OSBPL9: variants seen among roughly 807,000 people sequenced by gnomAD.
OSBPL9 encodes oxysterol-binding protein-related protein 9.
A neutral mutation model predicts 106.6 loss-of-function variants in OSBPL9; 40 were observed. That is an observed-to-expected ratio of 0.38 (90% CI 0.29 to 0.49). The LOEUF (loss-of-function observed/expected upper bound fraction) is 0.49, where lower values mean the gene tolerates loss of function less well. Among genes scored for constraint, OSBPL9 ranks in the 20% least tolerant of loss-of-function variants. The probability of loss-of-function intolerance (pLI) is 0.97; values close to 1 mark genes in which losing one functional copy is unlikely to be tolerated. For synonymous variants in OSBPL9, 269 were observed against 295.4 expected (o/e 0.91, Z 0.92); for missense variants, 609 against 887.2 (o/e 0.69, Z 3.98).
chr1:51,713,999 C>T lies in OSBPL9; in HGVS notation c.242-4C>T, dbSNP rs1339347858. The T allele has an allele frequency of 1.7e-5, 28 of 1,600,278 alleles. No individual in the cohort carries two copies. The highest frequency in any genetic ancestry group is 2.2e-5 in the Non-Finnish European group (26 of 1,172,940). On this transcript the variant is annotated splice_polypyrimidine_tract_variant and splice_region_variant and intron_variant, in intron 3 of 23. Transcript: ENST00000428468. ...TAATTTTAATGTATAATCTTTTATT[C>T]CAGCCCGTGATGCTGATGAGCGAGA...
At chr1:51,665,332 C>T (rs566665462) in intron 2 of OSBPL9, among the ~76,000 whole-genome samples, 14 of 152,174 alleles carry the variant, frequency 9.2e-5, no homozygotes, top group South Asian at 4.1e-4. Context: ...TTAGTAGAGA[C>T]GGGGTTTCTC....
At chr1:51,628,693 T>C (rs1281935534) in intron 1 of OSBPL9, among the ~76,000 whole-genome samples, 1 of 146,766 alleles carries the variant, frequency 6.8e-6, no homozygotes, top group Non-Finnish European at 1.5e-5. Flanking sequence ...TCTTTTTTTT[T>C]TTTTTTTTGA....
At chr1:51,776,228 G>A (rs922706111) in intron 14 of OSBPL9, among the ~76,000 whole-genome samples, 2 of 152,056 alleles carry the variant, frequency 1.3e-5, no homozygotes, top group African/African-American at 2.4e-5. Flanking sequence ...GTGAGAGCGC[G>A]AGTGTGAATA....
At chr1:51,694,692 A>G (rs1655663700) in intron 3 of OSBPL9, among the ~76,000 whole-genome samples, 1 of 152,248 alleles carries the variant, frequency 6.6e-6, no homozygotes, top group Non-Finnish European at 1.5e-5. Context: ...TTACTGAATT[A>G]TATGGATCTT....
chr1:51,593,189 A>T (rs1266267211), intron 1 of OSBPL9, among the ~76,000 whole-genome samples: 1 of 152,086 alleles, frequency 6.6e-6, no homozygotes, highest in Non-Finnish European at 1.5e-5. Context: ...AGAGGGGGAA[A>T]ATGAGAGAGA....
Position 51,636,350 on chromosome 1 carries a change from T to C in OSBPL9, c.112-15641T>C, listed in dbSNP as rs574032762. ...TGCCACTTCATTCTTTTTTTTTTTTTCCCTTTGAGACAAAGTCTGGCCCTA... is the reference window on the plus strand; with the variant it reads ...TGCCACTTCATTCTTTTTTTTTTTTCCCCTTTGAGACAAAGTCTGGCCCTA... On this transcript the variant is annotated intron_variant, in intron 1 of 23. Coordinates refer to ENST00000428468, the MANE Select transcript of OSBPL9 (RefSeq NM_024586.6). 2.7e-3 allele frequency among the ~76,000 whole-genome samples: 400 copies of C among 150,852 alleles called. 2 individuals are homozygous for C. Among genetic ancestry groups the C allele is most frequent in the Non-Finnish European group, 4.0e-3 (269 of 67,608 alleles).
intron 11 of OSBPL9, among the ~76,000 whole-genome samples, chr1:51,764,487 A>G (rs1468516158): frequency 6.6e-6 from 1 of 152,070 alleles, no homozygotes; most frequent in Non-Finnish European, 1.5e-5. Context: ...CTTTGTGAAT[A>G]TGATGACTAA....
At chr1:51,520,964 T>C in the OSBPL9 span, among the ~76,000 whole-genome samples, 1 of 152,368 alleles carries the variant, frequency 6.6e-6, no homozygotes, top group South Asian at 2.1e-4. Flanking sequence ...GGTACACTTA[T>C]CAGCCATAAC....
intron 13 of OSBPL9, 27 bp downstream of exon 13, chr1:51,772,209 T>G (rs1383506136): frequency 6.4e-7 from 1 of 1,571,638 alleles, no homozygotes; most frequent in Non-Finnish European, 8.7e-7. Context: ...AATTTAACTT[T>G]TTTTTCTTTA....
chr1:51,751,608 T>G (rs1669252468), intron 8 of OSBPL9, among the ~76,000 whole-genome samples: 1 of 152,172 alleles, frequency 6.6e-6, no homozygotes, highest in Non-Finnish European at 1.5e-5. Flanking sequence ...ATCCAAAAGC[T>G]TACCTACAGA....
At chr1:51,762,828 G>T (rs1166815476) in intron 11 of OSBPL9, among the ~76,000 whole-genome samples, 1 of 152,138 alleles carries the variant, frequency 6.6e-6, no homozygotes, top group Non-Finnish European at 1.5e-5. Flanking sequence ...GCCTGGGCAG[G>T]TATTGCTTGT....
At position 51,731,605 on chromosome 1, in the gene OSBPL9, C is replaced by T. The variant is rs568861035; in HGVS notation, c.319-13931C>T. On this transcript the variant is annotated intron_variant, in intron 4 of 23. Transcript: ENST00000428468. ...CAGACTGGCCAACATGGTGAAACCC[C>T]GTCTCTACTAAAAACACAAAAATTA... Among the ~76,000 whole-genome samples, 7 of 151,964 alleles carry T rather than the reference C, an allele frequency of 4.6e-5. 1 individual carries two copies. Among genetic ancestry groups the T allele is most frequent in the South Asian group, 2.1e-4 (1 of 4,806 alleles).
At chr1:51,702,236 A>G (rs1318284959) in intron 3 of OSBPL9, among the ~76,000 whole-genome samples, 2 of 152,200 alleles carry the variant, frequency 1.3e-5, no homozygotes, top group East Asian at 1.9e-4. Context: ...GACTTCCACA[A>G]TGGTTGAACT....
chr1:51,673,529 A>G (rs1423516504), intron 3 of OSBPL9, among the ~76,000 whole-genome samples: 2 of 152,232 alleles, frequency 1.3e-5, no homozygotes, highest in African/African-American at 2.4e-5. Context: ...TTGCTGGATC[A>G]GTGTCCTGGA....
the OSBPL9 span, among the ~76,000 whole-genome samples, chr1:51,571,858 T>G: frequency 6.6e-6 from 1 of 152,168 alleles, no homozygotes; most frequent in South Asian, 2.1e-4. Flanking sequence ...TCCACCTGCC[T>G]TCTCTCTGAG....
intron 1 of OSBPL9, among the ~76,000 whole-genome samples, chr1:51,637,884 G>A (rs1645551002): frequency 6.6e-6 from 1 of 152,148 alleles, no homozygotes; most frequent in African/African-American, 2.4e-5. Flanking sequence ...GTATCTCCAT[G>A]TTAGAGACAT....
chr1:51,733,447 G>A (rs376535021), intron 4 of OSBPL9, among the ~76,000 whole-genome samples: 3 of 152,224 alleles, frequency 2.0e-5, no homozygotes, highest in East Asian at 3.9e-4. Context: ...CATGAGAAAC[G>A]GGGGATTGGA....
chr1:51,690,353 C>G (rs1654699472), intron 3 of OSBPL9, among the ~76,000 whole-genome samples: 1 of 152,198 alleles, frequency 6.6e-6, no homozygotes, highest in African/African-American at 2.4e-5. Context: ...TGGTTGCCCA[C>G]TACAGTGCTG....
chr1:51,742,816 G>T (rs900139872), intron 4 of OSBPL9, among the ~76,000 whole-genome samples: 1 of 152,082 alleles, frequency 6.6e-6, no homozygotes, highest in Non-Finnish European at 1.5e-5. Context: ...AATGTTGAAT[G>T]GAAAGAGAAA....
Sources: gnomAD v4.1 joint callset for allele counts (sites outside exome capture counted in the v4.1 genomes callset) on GRCh38, gnomAD v4.1.1 for gene constraint, MANE v1.5 for transcripts, NCBI Gene and HGNC (gene_info 2026-07-23, HGNC 2026-07-21) for gene names.